Variants in OLA1 observed in about 807,000 individuals in gnomAD.
OLA1 encodes the protein Obg like ATPase 1.
OLA1 carries 14 observed loss-of-function variants against 48.4 expected under a neutral mutation model. That is an observed-to-expected ratio of 0.29 (90% CI 0.19 to 0.45). OLA1 has a LOEUF of 0.45. Ranked by LOEUF, OLA1 falls within the 20% of genes least tolerant of loss-of-function variation. The pLI is 1.00. For missense variants in OLA1, 325 were observed against 467.1 expected, an observed-to-expected ratio of 0.70 and a Z score of 2.80; for synonymous variants, 127 against 150.4, an observed-to-expected ratio of 0.84 and a Z score of 1.14.
At chr2:174,147,978 C>A (rs1686651886) in intron 4 of OLA1, among the ~76,000 whole-genome samples, 1 of 152,162 alleles carries the variant, frequency 6.6e-6, no homozygotes, top group Non-Finnish European at 1.5e-5. Flanking sequence ...TGCGTGCCAC[C>A]ATGTGTGGCT....
rs149010407 is a variant in OLA1, at chr2:174,072,513, T to A, written c.*2913A>T. On this transcript the variant is annotated 3_prime_UTR_variant, in exon 11 of 11. Transcript: ENST00000284719. The stretch of plus-strand genomic sequence containing the variant: ...CAAGCTTAAAATAAGTTGAAATGAA[T>A]TTTCCCAGCTAAAGTAGTTTGCCAT... 1 of 152,200 alleles carries A rather than the reference T, an allele frequency of 6.6e-6. No homozygotes were observed. The highest frequency in any genetic ancestry group is 6.5e-5 in the Admixed American group (1 of 15,282). 9.4% of individuals were successfully genotyped at this position (152,200 alleles called of 1,614,324 possible).
intron 2 of OLA1, among the ~76,000 whole-genome samples, chr2:174,236,132 T>C (rs1688842499): frequency 6.6e-6 from 1 of 151,888 alleles, no homozygotes; most frequent in African/African-American, 2.4e-5. Flanking sequence ...AAATCCACAG[T>C]GTATAGAATC....
intron 4 of OLA1, among the ~76,000 whole-genome samples, chr2:174,185,848 C>A (rs1035444306): frequency 6.6e-6 from 1 of 152,036 alleles, no homozygotes; most frequent in African/African-American, 2.4e-5. Context: ...GAATCACTAC[C>A]TCCAGGAGGT....
In OLA1 at chr2:174,219,483, G is replaced by A. The variant is rs147212021; in HGVS notation, c.373+3550C>T. Among the ~76,000 whole-genome samples the A allele has an allele frequency of 7.8e-3, 1,044 of 133,952 alleles. 7 individuals carry two copies. The highest frequency in any genetic ancestry group is 0.029 in the African/African-American group (1,010 of 35,226). The allele number at this position is 133,952 out of a possible 152,430, so 87.9% of individuals were successfully genotyped here. A position where few individuals can be genotyped will look rare whatever the true frequency, so the allele number is the denominator to read the frequency against. On this transcript the variant is annotated intron_variant, in intron 4 of 10. Transcript: ENST00000284719. ...CTCACTCTGCCACCCAGGTTGGAGTGCAGTGGCGCAATGTTGGCTCACTGC... is the reference window on the plus strand; with the variant it reads ...CTCACTCTGCCACCCAGGTTGGAGTACAGTGGCGCAATGTTGGCTCACTGC...
At chr2:174,215,332 A>C (rs929745958) in intron 4 of OLA1, among the ~76,000 whole-genome samples, 6 of 152,196 alleles carry the variant, frequency 3.9e-5, no homozygotes, top group Admixed American at 6.5e-5. Flanking sequence ...AAACTCCTGA[A>C]CTTTACAAAT....
chr2:174,114,870 C>T (rs966511820), intron 7 of OLA1, among the ~76,000 whole-genome samples: 12 of 152,054 alleles, frequency 7.9e-5, no homozygotes, highest in Non-Finnish European at 2.9e-5. Context: ...TGGTTCACAC[C>T]TGTAATCTCA....
At chr2:174,177,308 A>G (rs1687442598) in intron 4 of OLA1, among the ~76,000 whole-genome samples, 1 of 152,138 alleles carries the variant, frequency 6.6e-6, no homozygotes, top group Non-Finnish European at 1.5e-5. Context: ...TTAGAATTCA[A>G]AATATTTCGA....
chr2:174,103,349 A>G (rs548730121), intron 7 of OLA1, among the ~76,000 whole-genome samples: 1 of 152,324 alleles, frequency 6.6e-6, no homozygotes, highest in Admixed American at 6.5e-5. Flanking sequence ...GTGTCCATAA[A>G]TAAAATTCTG....
intron 4 of OLA1, among the ~76,000 whole-genome samples, chr2:174,194,274 C>A (rs1291555723): frequency 6.6e-6 from 1 of 152,156 alleles, no homozygotes; most frequent in Non-Finnish European, 1.5e-5. Context: ...AAGAGGGTAC[C>A]AGGTTCCCCA....
intron 4 of OLA1, among the ~76,000 whole-genome samples, chr2:174,146,845 T>G (rs1336079226): frequency 6.6e-6 from 1 of 152,188 alleles, no homozygotes; most frequent in Non-Finnish European, 1.5e-5. Flanking sequence ...CCTCTTTCTA[T>G]AAGCGCACTA....
At chr2:174,243,941 T>C (rs996644894) in intron 2 of OLA1, among the ~76,000 whole-genome samples, 6 of 152,148 alleles carry the variant, frequency 3.9e-5, no homozygotes, top group Non-Finnish European at 8.8e-5. Flanking sequence ...ACAATCTATA[T>C]CTTGTAGATC....
Position 174,226,776 on chromosome 2 carries a change from G to C in OLA1, c.245+2532C>G, listed in dbSNP as rs562514592. On this transcript the variant is annotated intron_variant, in intron 3 of 10. Coordinates refer to ENST00000284719, the MANE Select transcript of OLA1 (RefSeq NM_013341.5). ...GGCCTCCCAAAGTGCTGGGATCACA[G>C]GCTTGAGCCACTGCACACGGCCTTA... Among the ~76,000 whole-genome samples, 12 of 152,292 alleles carry C rather than the reference G, an allele frequency of 7.9e-5. No individual in the cohort carries two copies. The South Asian group carries it at 1.2e-3, about 16-fold the overall frequency.
At chr2:174,122,205 T>C (rs1488087630) in intron 7 of OLA1, among the ~76,000 whole-genome samples, 2 of 152,206 alleles carry the variant, frequency 1.3e-5, no homozygotes, top group Admixed American at 6.5e-5. Context: ...AAATGTCTTA[T>C]AGTAATATCA....
At chr2:174,099,713 A>G (rs1266757129) in intron 7 of OLA1, among the ~76,000 whole-genome samples, 1 of 152,204 alleles carries the variant, frequency 6.6e-6, no homozygotes, top group Non-Finnish European at 1.5e-5. Flanking sequence ...TGCCAAAATA[A>G]TTTTATTAAT....
At chr2:174,219,830 T>C (rs1245949432) in intron 4 of OLA1, among the ~76,000 whole-genome samples, 1 of 152,168 alleles carries the variant, frequency 6.6e-6, no homozygotes, top group Non-Finnish European at 1.5e-5. Flanking sequence ...CAACTGTCCA[T>C]TTAAAATCCT....
rs1290134985 is a variant in OLA1 at position 174,218,950 on chromosome 2, A to AGCT, written c.373+4080_373+4082dup. ...ATTCTCCTGCCTCAGCCTCGCAAGT[A>AGCT]GCTGGAACTACAAGGCACAGGCCAC... On this transcript the variant is annotated intron_variant, in intron 4 of 10. Coordinates refer to ENST00000284719, the MANE Select transcript of OLA1 (RefSeq NM_013341.5). 3.3e-5 allele frequency among the ~76,000 whole-genome samples: 5 copies of AGCT among 151,164 alleles called. No individual in the cohort carries two copies. In the East Asian group the frequency reaches 9.7e-4, roughly 29 times the overall value.
intron 5 of OLA1, among the ~76,000 whole-genome samples, chr2:174,128,860 T>C (rs1272810101): frequency 6.6e-6 from 1 of 152,162 alleles, no homozygotes; most frequent in East Asian, 1.9e-4. Context: ...AGATGAGATA[T>C]ATCTATATGT....
chr2:174,078,258 A>G (rs895101751), intron 10 of OLA1, among the ~76,000 whole-genome samples: 2 of 152,030 alleles, frequency 1.3e-5, no homozygotes, highest in African/African-American at 4.8e-5. Context: ...ATTAAATTAA[A>G]TTAAAGAACC....
chr2:174,110,113 T>TTTTTTTTG (rs1685611931), intron 7 of OLA1, among the ~76,000 whole-genome samples: 2 of 141,564 alleles, frequency 1.4e-5, no homozygotes, highest in Admixed American at 7.0e-5. Context: ...TTTTTTTTTT[T>TTTTTTTTG]GAGACAAAGT....
Sources: allele counts gnomAD v4.1 joint callset (sites outside exome capture counted in the v4.1 genomes callset), GRCh38; gene constraint gnomAD v4.1.1; transcripts MANE v1.5; gene names NCBI Gene and HGNC (gene_info 2026-07-23, HGNC 2026-07-21).